CLCA4: variants seen among roughly 807,000 people sequenced by gnomAD.
CLCA4 encodes chloride channel accessory 4.
CLCA4 carries 69 observed loss-of-function variants against 78.9 expected under a neutral mutation model. The ratio of observed to expected loss-of-function variants is 0.87; its 90% CI spans 0.72 to 1.07. The LOEUF (loss-of-function observed/expected upper bound fraction) is 1.07, where lower values mean the gene tolerates loss of function less well. Among genes scored for constraint, CLCA4 ranks in the 50% least tolerant of loss-of-function variants. CLCA4 has a pLI of 0.00. For missense variants in CLCA4, 1,133 were observed against 1,095.8 expected (o/e 1.03, Z -0.48); for synonymous variants, 362 against 375.8 (o/e 0.96, Z 0.42).
rs981245296 is a variant in CLCA4, at chr1:86,553,449, G to A, written c.159+6171G>A. Reference sequence around the variant, plus strand: ...AGATCCTCTATTCCAGCAAGCTGTCGAAGCCTTTGTCACGACGATCCTGTC... The same window carrying A: ...AGATCCTCTATTCCAGCAAGCTGTCAAAGCCTTTGTCACGACGATCCTGTC... On this transcript the variant is annotated intron_variant, in intron 1 of 13. Coordinates refer to ENST00000370563, the MANE Select transcript of CLCA4 (RefSeq NM_012128.4). 5 of 365,234 alleles carry A rather than the reference G, an allele frequency of 1.4e-5. No individual in the cohort carries two copies. The East Asian group carries it at 1.6e-4, about 12-fold the overall frequency. 22.6% of individuals were successfully genotyped at this position (365,234 alleles called of 1,614,324 possible).
chr1:86,565,826 A>C lies in CLCA4; in HGVS notation c.760A>C (p.Thr254Pro). The C allele has an allele frequency of 1.3e-6, 2 of 1,538,648 alleles. No individual in the cohort carries two copies. Among genetic ancestry groups the C allele is most frequent in the Non-Finnish European group, 1.7e-6 (2 of 1,143,514 alleles). Residue 254 changes from threonine to proline, a missense_variant, in exon 6 of 14, where the codon ACC (threonine) becomes CCC (proline). Transcript: ENST00000370563. ...DSVVEFCNEK[T>P]HNQEAPSLQN... Reference sequence around the variant, plus strand: ...GGTTGTTGAATTTTGTAACGAAAAAACCCATAATCAAGAAGCTCCAAGCCT... The same window carrying C: ...GGTTGTTGAATTTTGTAACGAAAAACCCCATAATCAAGAAGCTCCAAGCCT...
intron 3 of CLCA4, among the ~76,000 whole-genome samples, chr1:86,561,360 C>T (rs564757284): frequency 7.7e-4 from 117 of 152,334 alleles, no homozygotes; most frequent in Non-Finnish European, 1.2e-3. Context: ...CCTTATGTTT[C>T]ATTCAATTTA....
At chr1:86,578,103 G>C in intron 12 of CLCA4, 31 bp downstream of exon 12, 1 of 1,577,548 alleles carries the variant, frequency 6.3e-7, no homozygotes, top group Non-Finnish European at 8.6e-7. Flanking sequence ...ATAATCCAGT[G>C]ATAGTTTGAA....
chr1:86,574,783 T>C (rs1202207886), intron 10 of CLCA4, 28 bp downstream of exon 10: 1 of 1,520,846 alleles, frequency 6.6e-7, no homozygotes, highest in Non-Finnish European at 9.1e-7. Context: ...AGACTTCCTG[T>C]CAACATTTTT....
At chr1:86,548,945 G>A (rs1312447353) in intron 1 of CLCA4, among the ~76,000 whole-genome samples, 1 of 152,154 alleles carries the variant, frequency 6.6e-6, no homozygotes, top group Non-Finnish European at 1.5e-5. Flanking sequence ...TAAGTTAGCA[G>A]TTGGACTCAT....
intron 3 of CLCA4, among the ~76,000 whole-genome samples, chr1:86,561,549 A>G (rs1650019024): frequency 6.6e-6 from 1 of 152,072 alleles, no homozygotes; most frequent in South Asian, 2.1e-4. Flanking sequence ...CTCTTTCTCA[A>G]TTCCTATAGC....
At position 86,547,288 on chromosome 1, in the gene CLCA4, A is replaced by C; in HGVS notation, c.159+10A>C. The C allele has an allele frequency of 6.4e-7, 1 of 1,556,054 alleles. No homozygotes were observed. Among genetic ancestry groups the C allele is most frequent in the Non-Finnish European group, 8.7e-7 (1 of 1,154,190 alleles). On this transcript the variant is annotated intron_variant, in intron 1 of 13. Transcript: ENST00000370563. ...AATTGAACAAATAGAGGTAAGAACA[A>C]AATGGAATATCTTTCATTAATTTTT...
At chr1:86,550,620 A>G (rs1157229146) in intron 1 of CLCA4, among the ~76,000 whole-genome samples, 2 of 151,960 alleles carry the variant, frequency 1.3e-5, no homozygotes, top group Non-Finnish European at 2.9e-5. Context: ...TGATTTTTCT[A>G]AGATCATAGT....
chr1:86,572,463 T>C (rs1650378153), intron 8 of CLCA4, 151 bp from the exon 9 acceptor site: 1 of 516,938 alleles, frequency 1.9e-6, no homozygotes, highest in Admixed American at 3.4e-5. Flanking sequence ...AATGAGCATT[T>C]CAGAATTAAC....
At chr1:86,575,273 G>T in intron 10 of CLCA4, 59 bp from the exon 11 acceptor site, 1 of 1,344,368 alleles carries the variant, frequency 7.4e-7, no homozygotes. Flanking sequence ...ATTACATAAT[G>T]GAAATATAGA....
intron 1 of CLCA4, among the ~76,000 whole-genome samples, chr1:86,553,919 G>A (rs1350643290): frequency 2.0e-5 from 3 of 152,022 alleles, no homozygotes; most frequent in African/African-American, 7.2e-5. Context: ...CTGGGAGACA[G>A]AGCAAGACTC....
At chr1:86,574,362 A>G (rs531891528) in intron 9 of CLCA4, among the ~76,000 whole-genome samples, 178 bp from the exon 10 acceptor site, 2 of 152,194 alleles carry the variant, frequency 1.3e-5, no homozygotes, top group East Asian at 3.9e-4. Context: ...TAAGTCTCTT[A>G]CTTCCTCACT....
intron 1 of CLCA4, among the ~76,000 whole-genome samples, chr1:86,556,746 T>A (rs1378325406): frequency 6.6e-6 from 1 of 152,220 alleles, no homozygotes; most frequent in Admixed American, 6.5e-5. Context: ...TTTGGAATAG[T>A]TTCAGTAGGA....
At chr1:86,548,096 C>T (rs1165459658) in intron 1 of CLCA4, among the ~76,000 whole-genome samples, 1 of 152,138 alleles carries the variant, frequency 6.6e-6, no homozygotes, top group Non-Finnish European at 1.5e-5. Flanking sequence ...TTCTCCACAT[C>T]CTTGTCAGCA....
In CLCA4 at chr1:86,563,582, T is replaced by C; in HGVS notation, c.449-79T>C. 5 of 648,794 alleles carry C rather than the reference T, an allele frequency of 7.7e-6. No individual in the cohort carries two copies. In the East Asian group the frequency reaches 1.1e-4, roughly 15 times the overall value. The allele number at this position is 648,794 out of a possible 1,614,324, so 40.2% of individuals were successfully genotyped here. A position where few individuals can be genotyped will look rare whatever the true frequency, so the allele number is the denominator to read the frequency against. On this transcript the variant is annotated intron_variant, in intron 3 of 13. Transcript: ENST00000370563. ...CCGAAATCTAAATATATTTTATAAT[T>C]GAAAGAGAAGCTTCTTAAAATATGA...
rs1372264145 is a variant in CLCA4, at chr1:86,579,552, G to T, written c.2321G>T (p.Trp774Leu). ...TVHEDKIILT[W>L]TAPGDNFDVG... Reference sequence around the variant, plus strand: ...CATGAGGATAAGATTATTCTTACATGGACAGCACCAGGAGATAATTTTGAT... The same window carrying T: ...CATGAGGATAAGATTATTCTTACATTGACAGCACCAGGAGATAATTTTGAT... Residue 774 changes from tryptophan to leucine, a missense_variant, in exon 13 of 14, where the codon TGG becomes TTG. Coordinates refer to ENST00000370563, the MANE Select transcript of CLCA4 (RefSeq NM_012128.4). 6.2e-7 allele frequency: 1 copy of T among 1,612,796 alleles called. No homozygotes were observed.
At chr1:86,556,344 A>G (rs1317044612) in intron 1 of CLCA4, among the ~76,000 whole-genome samples, 1 of 152,206 alleles carries the variant, frequency 6.6e-6, no homozygotes, top group Non-Finnish European at 1.5e-5. Context: ...TGGGTTTGTC[A>G]TAGATGGCTC....
At chr1:86,556,177 A>G (rs1314578391) in intron 1 of CLCA4, among the ~76,000 whole-genome samples, 4 of 152,162 alleles carry the variant, frequency 2.6e-5, no homozygotes. Context: ...CTCTCTTCCT[A>G]TTTGGATGCC....
At chr1:86,560,381 A>G (rs1293694567) in intron 3 of CLCA4, 23 bp downstream of exon 3, 1 of 1,612,356 alleles carries the variant, frequency 6.2e-7, no homozygotes, top group Non-Finnish European at 8.5e-7. Context: ...GTTAAAAAAT[A>G]ATTTTGCAGT....
Sources: gnomAD v4.1 joint callset for allele counts (sites outside exome capture counted in the v4.1 genomes callset) on GRCh38, gnomAD v4.1.1 for gene constraint, MANE v1.5 for transcripts, NCBI Gene and HGNC (gene_info 2026-07-23, HGNC 2026-07-21) for gene names.